MAD1L1: variants seen among roughly 807,000 people sequenced by gnomAD.
MAD1L1 encodes the protein mitotic spindle assembly checkpoint protein MAD1.
In MAD1L1, 95 loss-of-function variants were observed where a neutral mutation model predicts 96.9. The ratio of observed to expected loss-of-function variants is 0.98; its 90% CI spans 0.83 to 1.16. MAD1L1 has a LOEUF of 1.16. Among genes scored for constraint, MAD1L1 ranks in the 50% most tolerant of loss-of-function variants. The pLI is 0.00. For synonymous variants in MAD1L1, 473 were observed against 396.6 expected (o/e 1.19, Z -2.29); for missense variants, 1,007 against 954.4 (o/e 1.06, Z -0.73).
intron 15 of MAD1L1, among the ~76,000 whole-genome samples, chr7:1,979,941 T>G (rs900440716): frequency 6.6e-6 from 1 of 152,118 alleles, no homozygotes; most frequent in African/African-American, 2.4e-5. Context: ...GCTGGAGAAG[T>G]GCTGCTGAAG....
chr7:2,066,078 T>A (rs188216808), intron 12 of MAD1L1, among the ~76,000 whole-genome samples: 7 of 152,310 alleles, frequency 4.6e-5, no homozygotes, highest in Admixed American at 3.9e-4. Context: ...CAGTAACAAT[T>A]AAATCCTTAG....
intron 16 of MAD1L1, among the ~76,000 whole-genome samples, chr7:1,954,530 G>A (rs374484431): frequency 6.6e-5 from 10 of 152,286 alleles, no homozygotes; most frequent in Middle Eastern, 3.4e-3. Flanking sequence ...GCAGGAGGCC[G>A]TGGCTGCAGG....
chr7:2,159,520 A>T (rs1790000660), intron 10 of MAD1L1, among the ~76,000 whole-genome samples: 1 of 152,162 alleles, frequency 6.6e-6, no homozygotes, highest in South Asian at 2.1e-4. Context: ...CTGCTTATTT[A>T]GTGTCTTTCC....
chr7:2,001,365 CT>C (rs1781784139), intron 14 of MAD1L1, among the ~76,000 whole-genome samples: 1 of 152,280 alleles, frequency 6.6e-6, no homozygotes, highest in Non-Finnish European at 1.5e-5. Context: ...GGAACCTACA[CT>C]TTGTTTAGGC....
intron 13 of MAD1L1, among the ~76,000 whole-genome samples, chr7:2,007,907 T>G (rs1436846737): frequency 1.3e-5 from 2 of 152,216 alleles, no homozygotes; most frequent in Non-Finnish European, 2.9e-5. Context: ...GTAAATGAAC[T>G]GCTGATACAA....
At chr7:2,226,394 G>A (rs1263100898) in intron 3 of MAD1L1, among the ~76,000 whole-genome samples, 1 of 151,284 alleles carries the variant, frequency 6.6e-6, no homozygotes, top group East Asian at 1.9e-4. Flanking sequence ...AGCCTCTGGG[G>A]GCCCTCTCAG....
chr7:1,965,668 A>G (rs1305520072), intron 15 of MAD1L1, among the ~76,000 whole-genome samples: 1 of 152,222 alleles, frequency 6.6e-6, no homozygotes, highest in Non-Finnish European at 1.5e-5. Context: ...CCACGGGCTC[A>G]GCCCACAGGG....
intron 10 of MAD1L1, among the ~76,000 whole-genome samples, chr7:2,168,856 C>T (rs1790567435): frequency 6.6e-6 from 1 of 152,180 alleles, no homozygotes; most frequent in Non-Finnish European, 1.5e-5. Context: ...AGGTTTTATT[C>T]CGAGTGTGCT....
At chr7:1,901,103 T>C (rs2128443652) in intron 17 of MAD1L1, among the ~76,000 whole-genome samples, 1 of 152,204 alleles carries the variant, frequency 6.6e-6, no homozygotes, top group Middle Eastern at 3.4e-3. Flanking sequence ...GATCCTGGTC[T>C]CCTGTCCACG....
At position 1,825,347 on chromosome 7, in the gene MAD1L1, C is replaced by A. The variant is rs574133463; in HGVS notation, c.1999-9119G>T. Among the ~76,000 whole-genome samples, 5 of 152,338 alleles carry A rather than the reference C, an allele frequency of 3.3e-5. No homozygotes were observed. The South Asian group carries it at 1.0e-3, about 32-fold the overall frequency. ...TGCCCACCCACCTGCCCCAGATGTCCTGGGCCTGGGGTGCCAGGCTGGCGT... is the reference window on the plus strand; with the variant it reads ...TGCCCACCCACCTGCCCCAGATGTCATGGGCCTGGGGTGCCAGGCTGGCGT... On this transcript the variant is annotated intron_variant, in intron 18 of 18. Transcript: ENST00000265854.
chr7:1,973,383 G>A (rs749023050), intron 15 of MAD1L1, among the ~76,000 whole-genome samples: 2 of 152,182 alleles, frequency 1.3e-5, no homozygotes, highest in African/African-American at 2.4e-5. Context: ...TGGTACACGC[G>A]GAGTGCGGAC....
chr7:2,108,372 G>A (rs959203758), intron 11 of MAD1L1, among the ~76,000 whole-genome samples: 1 of 152,162 alleles, frequency 6.6e-6, no homozygotes, highest in Admixed American at 6.5e-5. Context: ...TTCTACTGGA[G>A]GACAGAGAGG....
chr7:2,080,164 A>C (rs1372073876), intron 11 of MAD1L1, among the ~76,000 whole-genome samples: 3 of 152,204 alleles, frequency 2.0e-5, no homozygotes, highest in African/African-American at 7.2e-5. Flanking sequence ...ACAGCCCACC[A>C]CCTATGGTTG....
At chr7:1,949,035 T>G (rs1779361897) in intron 16 of MAD1L1, among the ~76,000 whole-genome samples, 1 of 152,170 alleles carries the variant, frequency 6.6e-6, no homozygotes, top group Non-Finnish European at 1.5e-5. Context: ...CAGGACGCCA[T>G]GTGGGGCTTC....
rs376710971 is a variant in MAD1L1, at chr7:1,916,021, G to T, written c.1808-17631C>A. ...GGATTTAAGTAGGTATTTTGCAGAA[G>T]ATGACCTAGGAGAGGCTAACAAGCC... On this transcript the variant is annotated intron_variant, in intron 17 of 18. Coordinates refer to ENST00000265854, the MANE Select transcript of MAD1L1 (RefSeq NM_001013836.2). 1.2e-4 allele frequency among the ~76,000 whole-genome samples: 19 copies of T among 152,360 alleles called. No homozygotes were observed. In the East Asian group the frequency reaches 3.1e-3, roughly 25 times the overall value.
intron 14 of MAD1L1, among the ~76,000 whole-genome samples, chr7:1,998,055 G>A (rs997128840): frequency 1.3e-5 from 2 of 152,176 alleles, no homozygotes; most frequent in Admixed American, 6.5e-5. Flanking sequence ...CGATGAATAA[G>A]GAACAGAAAT....
At chr7:2,078,472 G>A (rs373704967) in intron 11 of MAD1L1, among the ~76,000 whole-genome samples, 5 of 152,342 alleles carry the variant, frequency 3.3e-5, no homozygotes, top group Admixed American at 6.5e-5. Context: ...GGGCCTCCGC[G>A]GCTGAGCCAG....
intron 10 of MAD1L1, among the ~76,000 whole-genome samples, chr7:2,203,643 T>C (rs1044147180): frequency 2.6e-5 from 4 of 152,178 alleles, no homozygotes; most frequent in Non-Finnish European, 4.4e-5. Flanking sequence ...TTCTTTAAAG[T>C]AGTTCAGCAG....
intron 11 of MAD1L1, among the ~76,000 whole-genome samples, chr7:2,085,953 C>T (rs904032259): frequency 6.6e-6 from 1 of 152,204 alleles, no homozygotes; most frequent in Non-Finnish European, 1.5e-5. Context: ...TGCCCACTCC[C>T]GCCAACTTCA....
Sources: allele counts gnomAD v4.1 joint callset (sites outside exome capture counted in the v4.1 genomes callset), GRCh38; gene constraint gnomAD v4.1.1; transcripts MANE v1.5; gene names NCBI Gene and HGNC (gene_info 2026-07-23, HGNC 2026-07-21).